Variants in MARCHF10 observed in about 807,000 individuals in gnomAD.
MARCHF10 encodes membrane associated ring-CH-type finger 10, also known as probable E3 ubiquitin-protein ligase MARCHF10.
Under a neutral mutation model 76.2 loss-of-function variants are expected in MARCHF10, and 64 were observed. The observed-to-expected ratio is 0.84, with a 90% CI of 0.69 to 1.03. The LOEUF is 1.03. Among genes scored for constraint, MARCHF10 ranks in the 50% least tolerant of loss-of-function variants. The pLI, the probability that MARCHF10 is intolerant of heterozygous loss-of-function variation, is 0.00. For missense variants in MARCHF10, 875 were observed against 958.0 expected (o/e 0.91, Z 1.14); for synonymous variants, 340 against 357.5 (o/e 0.95, Z 0.55).
intron 6 of MARCHF10, among the ~76,000 whole-genome samples, chr17:62,730,916 C>CAAT (rs397707751): frequency 0.028 from 4,302 of 151,790 alleles, 107 homozygotes; most frequent in Non-Finnish European, 0.045. Flanking sequence ...ACAACAACAA[C>CAAT]GACAACAACA....
At chr17:62,774,035 G>A (rs912862520) in intron 3 of MARCHF10, among the ~76,000 whole-genome samples, 1 of 152,216 alleles carries the variant, frequency 6.6e-6, no homozygotes, top group Non-Finnish European at 1.5e-5. Flanking sequence ...GGGAGGACAC[G>A]TCAGTGTGGA....
At chr17:62,715,708 A>AG (rs2090159159) in intron 8 of MARCHF10, among the ~76,000 whole-genome samples, 1 of 152,314 alleles carries the variant, frequency 6.6e-6, no homozygotes, top group Middle Eastern at 3.4e-3. Context: ...GGGGTCCCAC[A>AG]GCTGCTCTTG....
intron 3 of MARCHF10, among the ~76,000 whole-genome samples, chr17:62,761,455 C>A (rs960454952): frequency 9.2e-5 from 14 of 151,982 alleles, no homozygotes; most frequent in African/African-American, 3.4e-4. Context: ...AAGTTTCACT[C>A]TTATTGCCCA....
intron 2 of MARCHF10, among the ~76,000 whole-genome samples, chr17:62,795,888 T>C (rs1282654011): frequency 6.6e-5 from 10 of 152,308 alleles, no homozygotes; most frequent in Middle Eastern, 3.4e-3. Flanking sequence ...GCCAAACTCA[T>C]TGATGATCCA....
chr17:62,720,780 A>G (rs1227245352), intron 8 of MARCHF10, among the ~76,000 whole-genome samples: 1 of 151,888 alleles, frequency 6.6e-6, no homozygotes, highest in East Asian at 1.9e-4. Context: ...GCAGTTCATT[A>G]ATTACAGCTT....
chr17:62,762,262 C>T (rs1261011263), intron 3 of MARCHF10, among the ~76,000 whole-genome samples: 1 of 152,200 alleles, frequency 6.6e-6, no homozygotes, highest in Non-Finnish European at 1.5e-5. Flanking sequence ...CCAATTAAAT[C>T]ATCCTGTTAC....
chr17:62,806,944 C>T (rs557068952), intron 1 of MARCHF10, among the ~76,000 whole-genome samples: 1 of 152,330 alleles, frequency 6.6e-6, no homozygotes, highest in South Asian at 2.1e-4. Context: ...AAAGACATCA[C>T]TAAAGTTAAT....
At chr17:62,720,059 C>T (rs1323587139) in intron 8 of MARCHF10, among the ~76,000 whole-genome samples, 4 of 152,090 alleles carry the variant, frequency 2.6e-5, no homozygotes, top group Non-Finnish European at 5.9e-5. Flanking sequence ...TGTACACTGC[C>T]CATCTGTTCT....
rs115317261 is a variant in MARCHF10, at chr17:62,702,095, A to T, written c.2372-337T>A. Among the ~76,000 whole-genome samples, 940 of 151,686 alleles carry T rather than the reference A, an allele frequency of 6.2e-3. 9 individuals are homozygous for T. Among genetic ancestry groups the T allele is most frequent in the African/African-American group, 0.021 (887 of 41,350 alleles). On this transcript the variant is annotated intron_variant, in intron 10 of 10. Transcript: ENST00000311269. ...CCTCTCAGGGTAAGGCCCCACTTGAACCCCCGCTTCCTAATTTGGCAGGGA... is the reference window on the plus strand; with the variant it reads ...CCTCTCAGGGTAAGGCCCCACTTGATCCCCCGCTTCCTAATTTGGCAGGGA...
At position 62,738,461 on chromosome 17, in the gene MARCHF10, C is replaced by T. The variant is rs1025089613; in HGVS notation, c.536-1129G>A. On this transcript the variant is annotated intron_variant, in intron 5 of 10. Transcript: ENST00000311269. The surrounding 1 kb of genome is among the most constrained non-coding windows in gnomAD (Gnocchi z 4.0). ...TTCCCTCCTGACATCGGCCTCCCCCCGCTTTGTTCTCCTCTCTGCTATTGT... is the reference window on the plus strand; with the variant it reads ...TTCCCTCCTGACATCGGCCTCCCCCTGCTTTGTTCTCCTCTCTGCTATTGT... 2.6e-5 allele frequency among the ~76,000 whole-genome samples: 4 copies of T among 152,146 alleles called. No individual in the cohort carries two copies. The highest frequency in any genetic ancestry group is 5.9e-5 in the Non-Finnish European group (4 of 68,026).
intron 2 of MARCHF10, among the ~76,000 whole-genome samples, chr17:62,792,972 A>G (rs1341798445): frequency 7.1e-6 from 1 of 140,204 alleles, no homozygotes; most frequent in East Asian, 2.2e-4. Context: ...TCCATCAACC[A>G]CCACCACCTC....
chr17:62,702,931 G>A (rs1003568286), intron 10 of MARCHF10, among the ~76,000 whole-genome samples: 4 of 152,118 alleles, frequency 2.6e-5, no homozygotes, highest in African/African-American at 7.2e-5. Context: ...CCTCACACCC[G>A]CCCCTGTTCC....
chr17:62,790,074 T>G (rs185862074), intron 2 of MARCHF10, among the ~76,000 whole-genome samples: 1 of 152,326 alleles, frequency 6.6e-6, no homozygotes, highest in African/African-American at 2.4e-5. Flanking sequence ...AAATAAAATC[T>G]GGTACCAAAA....
intron 9 of MARCHF10, among the ~76,000 whole-genome samples, chr17:62,708,671 A>C (rs974322124): frequency 7.9e-5 from 12 of 152,192 alleles, no homozygotes; most frequent in Non-Finnish European, 5.9e-5. Context: ...CCCGTGCCCA[A>C]GTTGTTAATG....
intron 4 of MARCHF10, among the ~76,000 whole-genome samples, chr17:62,754,347 AC>A (rs2091980987): frequency 1.3e-5 from 2 of 152,210 alleles, no homozygotes; most frequent in Admixed American, 1.3e-4. Flanking sequence ...TGCTCGGATT[AC>A]AGGCATGAGC....
At chr17:62,728,287 G>T (rs551556648) in intron 6 of MARCHF10, among the ~76,000 whole-genome samples, 6 of 152,180 alleles carry the variant, frequency 3.9e-5, no homozygotes, top group Non-Finnish European at 5.9e-5. Flanking sequence ...GCCTCCCAAA[G>T]TACTGGGACT....
intron 9 of MARCHF10, among the ~76,000 whole-genome samples, chr17:62,708,225 T>G (rs2089705927): frequency 6.6e-6 from 1 of 150,662 alleles, no homozygotes. Flanking sequence ...AGGACTCGCC[T>G]CCTGGAAAAA....
intron 3 of MARCHF10, among the ~76,000 whole-genome samples, chr17:62,773,375 T>C (rs1914141251): frequency 6.6e-6 from 1 of 152,160 alleles, no homozygotes; most frequent in African/African-American, 2.4e-5. Flanking sequence ...TGAAGAGCCA[T>C]TTCTGTGGAA....
At chr17:62,722,632 C>A (rs780365789) in intron 7 of MARCHF10, 35 bp from the exon 8 acceptor site, 1 of 1,533,104 alleles carries the variant, frequency 6.5e-7, no homozygotes, top group African/African-American at 1.4e-5. Flanking sequence ...GTACATATAA[C>A]CATGGGTCTG....
Sources: gnomAD v4.1 joint callset for allele counts (sites outside exome capture counted in the v4.1 genomes callset) on GRCh38, gnomAD v4.1.1 for gene constraint, Gnocchi (gnomAD v3.1) non-coding constraint, MANE v1.5 for transcripts, NCBI Gene and HGNC (gene_info 2026-07-23, HGNC 2026-07-21) for gene names.